The following SLC5A7 variants were observed in gnomAD, a reference collection of about 807,000 sequenced individuals.
SLC5A7 encodes solute carrier family 5 member 7, also known as high affinity choline transporter 1.
Under a neutral mutation model 55.4 loss-of-function variants are expected in SLC5A7, and 19 were observed. That is an observed-to-expected ratio of 0.34 (90% CI 0.24 to 0.50). The LOEUF (loss-of-function observed/expected upper bound fraction) is 0.50. Ranked by LOEUF, SLC5A7 falls within the 20% of genes least tolerant of loss-of-function variation. SLC5A7 has a pLI of 0.98. For missense variants in SLC5A7, 506 were observed against 705.3 expected (o/e 0.72, Z 3.20); for synonymous variants, 265 against 263.7 (o/e 1.00, Z -0.05).
chr2:107,989,621 TAACTTAGTTCCAA>T (rs1292366611), intron 2 of SLC5A7, among the ~76,000 whole-genome samples: 1 of 152,218 alleles, frequency 6.6e-6, no homozygotes, highest in Non-Finnish European at 1.5e-5. Context: ...AGGTCTCCGG[TAACTTAGTTCCAA>T]AATGCAAGTA....
At chr2:107,996,360 TTACTC>T (rs1677671167) in intron 4 of SLC5A7, among the ~76,000 whole-genome samples, 1 of 152,204 alleles carries the variant, frequency 6.6e-6, no homozygotes, top group Non-Finnish European at 1.5e-5. Flanking sequence ...CAAGGGATCT[TTACTC>T]TGGAAAATAA....
rs1678409382 is a variant in SLC5A7, at chr2:108,013,268, T to C, written c.*2407T>C. ...AACTTAAATAATTTAAGCCAATAAA[T>C]AATATTATATTGTATTTAACCCATT... is the stretch of plus-strand genomic sequence containing the variant. On this transcript the variant is annotated 3_prime_UTR_variant, in exon 9 of 9. Transcript: ENST00000264047. The C allele has an allele frequency of 6.6e-6, 1 of 152,118 alleles. No individual in the cohort carries two copies. Among genetic ancestry groups the C allele is most frequent in the Non-Finnish European group, 1.5e-5 (1 of 68,008 alleles). 9.4% of individuals were successfully genotyped at this position (152,118 alleles called of 1,614,324 possible).
intron 4 of SLC5A7, among the ~76,000 whole-genome samples, chr2:107,995,456 AGAGAGAGAGAGAGAGTGT>A (rs1677631122): frequency 8.1e-6 from 1 of 124,124 alleles, no homozygotes; most frequent in South Asian, 2.7e-4. Context: ...AGAGAGAGAG[AGAGAGAGAGAGAGAGTGT>A]GTGTGTGTGT....
intron 7 of SLC5A7, among the ~76,000 whole-genome samples, chr2:108,007,687 A>G (rs1678176181): frequency 6.6e-6 from 1 of 152,214 alleles, no homozygotes; most frequent in Non-Finnish European, 1.5e-5. Context: ...TGAGGGAAGA[A>G]AAAATGGTAG....
Position 108,011,347 on chromosome 2 carries a change from T to C in SLC5A7, c.*486T>C, listed in dbSNP as rs1678320405. On this transcript the variant is annotated 3_prime_UTR_variant, in exon 9 of 9. Coordinates refer to ENST00000264047, the MANE Select transcript of SLC5A7 (RefSeq NM_021815.5). ...AACCAGCTGATTTTTCTTAGTGTGA[T>C]GATTAACCCCTTCTTTCATGTTCTG... 1 of 152,506 alleles carries C rather than the reference T, an allele frequency of 6.6e-6. No individual in the cohort carries two copies. Among genetic ancestry groups the C allele is most frequent in the South Asian group, 2.1e-4 (1 of 4,836 alleles). 9.4% of individuals were successfully genotyped at this position (152,506 alleles called of 1,614,324 possible).
intron 5 of SLC5A7, among the ~76,000 whole-genome samples, chr2:107,998,295 C>T (rs1188272587): frequency 6.6e-6 from 1 of 152,120 alleles, no homozygotes; most frequent in Non-Finnish European, 1.5e-5. Flanking sequence ...AATCCATTTC[C>T]CTCGGCAGAG....
At chr2:108,002,062 A>G in intron 6 of SLC5A7, 22 bp downstream of exon 6, 1 of 1,591,700 alleles carries the variant, frequency 6.3e-7, no homozygotes, top group Non-Finnish European at 8.6e-7. Context: ...TCTTACCTGA[A>G]GAATGTGATT....
chr2:108,010,674 C>G lies in SLC5A7; in HGVS notation c.1556C>G (p.Ala519Gly), dbSNP rs776499560. 1 of 1,613,850 alleles carries G rather than the reference C, an allele frequency of 6.2e-7. No homozygotes were observed. The highest frequency in any genetic ancestry group is 1.7e-5 in the Admixed American group (1 of 59,928). The change falls in exon 9 of 9, where the codon GCA (alanine) becomes GGA (glycine). Residue 519 changes from alanine (A) to glycine (G), a missense_variant. Physicochemically the swap from Ala to Gly is moderately conservative, Grantham distance 60. Transcript: ENST00000264047. The stretch of plus-strand genomic sequence containing the variant: ...TTAGATGTATTTGATGCTGTTGTTG[C>G]AAGACACAGTGAAGAAAACATGGAT... Reference protein sequence around the residue: ...PKLDVFDAVVARHSEENMDKT... With the variant: ...PKLDVFDAVVGRHSEENMDKT...
At chr2:107,997,200 C>T (rs1181250972) in intron 4 of SLC5A7, among the ~76,000 whole-genome samples, 1 of 152,132 alleles carries the variant, frequency 6.6e-6, no homozygotes, top group East Asian at 1.9e-4. Flanking sequence ...ACAGTGGTCC[C>T]ATAAGATTAT....
chr2:107,996,219 A>G (rs1044864718), intron 4 of SLC5A7, among the ~76,000 whole-genome samples: 2 of 152,338 alleles, frequency 1.3e-5, no homozygotes, highest in African/African-American at 4.8e-5. Flanking sequence ...TTCGAAGTAA[A>G]TGATCTCAGG....
At chr2:107,995,708 C>G (rs1677646657) in intron 4 of SLC5A7, among the ~76,000 whole-genome samples, 1 of 152,016 alleles carries the variant, frequency 6.6e-6, no homozygotes, top group Admixed American at 6.6e-5. Context: ...AGATCTATTA[C>G]CACCTTTCTG....
In SLC5A7 at chr2:108,010,321, T is replaced by C. The variant is rs1331764781; in HGVS notation, c.1203T>C (p.Thr401=). ...SATAMALLTK[T]VYGLWYLSSD... Reference sequence around the variant, plus strand: ...CAGCCATGGCCTTGCTGACGAAAACTGTGTATGGGCTCTGGTACCTCAGTT... The same window carrying C: ...CAGCCATGGCCTTGCTGACGAAAACCGTGTATGGGCTCTGGTACCTCAGTT... Residue 401 remains threonine (T), a synonymous_variant, in exon 9 of 9, where the codon ACT becomes ACC. Coordinates refer to ENST00000264047, the MANE Select transcript of SLC5A7 (RefSeq NM_021815.5). The C allele has an allele frequency of 2.5e-6, 4 of 1,613,846 alleles. No individual in the cohort carries two copies. Among genetic ancestry groups the C allele is most frequent in the East Asian group, 2.2e-5 (1 of 44,870 alleles).
chr2:107,997,953 T>C lies in SLC5A7; in HGVS notation c.564T>C (p.Asp188=). 1 of 1,613,504 alleles carries C rather than the reference T, an allele frequency of 6.2e-7. No individual in the cohort carries two copies. The highest frequency in any genetic ancestry group is 8.5e-7 in the Non-Finnish European group (1 of 1,179,656). The change falls in exon 5 of 9, where the codon GAT becomes GAC. Residue 188 remains aspartate, a synonymous_variant. Coordinates refer to ENST00000264047, the MANE Select transcript of SLC5A7 (RefSeq NM_021815.5). Reference sequence around the variant, plus strand: ...GGCTCTATTCTGTGGCCTACACTGATGTCGTTCAGCTCTTTTGCATTTTTG... The same window carrying C: ...GGCTCTATTCTGTGGCCTACACTGACGTCGTTCAGCTCTTTTGCATTTTTG... The part of the protein sequence containing the change: ...VGGLYSVAYT[D]VVQLFCIFVG...
intron 6 of SLC5A7, among the ~76,000 whole-genome samples, chr2:108,005,002 A>G (rs1678049370): frequency 6.6e-6 from 1 of 152,242 alleles, no homozygotes; most frequent in Admixed American, 6.5e-5. Context: ...TATATGCTCA[A>G]TAAGAAATTT....
chr2:108,012,505 T>C lies in SLC5A7; in HGVS notation c.*1644T>C, dbSNP rs924898780. ...CTCAAAGCATCAAATAATACATCTT[T>C]ATCATTAAACATGAATTTAATGTCT... On this transcript the variant is annotated 3_prime_UTR_variant, in exon 9 of 9. Coordinates refer to ENST00000264047, the MANE Select transcript of SLC5A7 (RefSeq NM_021815.5). 6.6e-6 allele frequency: 1 copy of C among 152,188 alleles called. No individual in the cohort carries two copies. The highest frequency in any genetic ancestry group is 1.9e-4 in the East Asian group (1 of 5,192). 9.4% of individuals were successfully genotyped at this position (152,188 alleles called of 1,614,324 possible).
intron 6 of SLC5A7, among the ~76,000 whole-genome samples, chr2:108,004,804 G>A (rs1482922395): frequency 6.6e-6 from 1 of 152,026 alleles, no homozygotes; most frequent in Non-Finnish European, 1.5e-5. Flanking sequence ...CTGTGGAAAT[G>A]CTCTCAAAGC....
chr2:108,012,901 A>G lies in SLC5A7; in HGVS notation c.*2040A>G, dbSNP rs537374660. ...TTCCTGGCAAACACCATTATTCCAG[A>G]TGCACCATGCTACCCAGCATGCTAC... On this transcript the variant is annotated 3_prime_UTR_variant, in exon 9 of 9. Transcript: ENST00000264047. 6.6e-6 allele frequency: 1 copy of G among 152,274 alleles called. No individual in the cohort carries two copies. Among genetic ancestry groups the G allele is most frequent in the South Asian group, 2.1e-4 (1 of 4,824 alleles). The allele number at this position is 152,274 out of a possible 1,614,324, so 9.4% of individuals were successfully genotyped here. A position where few individuals can be genotyped will look rare whatever the true frequency, so the allele number is the denominator to read the frequency against.
chr2:107,988,283 T>C lies in SLC5A7; in HGVS notation c.128T>C (p.Ile43Thr). 1.2e-6 allele frequency: 2 copies of C among 1,614,112 alleles called. No homozygotes were observed. The highest frequency in any genetic ancestry group is 1.1e-5 in the South Asian group (1 of 91,076). The change falls in exon 2 of 9, where the codon ATA becomes ACA. Residue 43 changes from isoleucine to threonine, a missense_variant. Ile to Thr is a moderately conservative substitution (Grantham distance 89). This residue lies in a region of SLC5A7 where 56 missense variants were observed against 62.6 expected (regional missense o/e 0.89). Coordinates refer to ENST00000264047, the MANE Select transcript of SLC5A7 (RefSeq NM_021815.5). ...GCAGAAGAGCGCAGCGAAGCCATCA[T>C]AGTTGGTGGCCGAGATATTGGTTTA... ...GSAEERSEAI[I>T]VGGRDIGLLV...
intron 4 of SLC5A7, among the ~76,000 whole-genome samples, chr2:107,997,612 A>G (rs1255592274): frequency 6.6e-6 from 1 of 152,236 alleles, no homozygotes; most frequent in Non-Finnish European, 1.5e-5. Context: ...CTCCAAATAA[A>G]TAAGTTAGCA....
Sources: allele counts gnomAD v4.1 joint callset (sites outside exome capture counted in the v4.1 genomes callset), GRCh38; gene constraint gnomAD v4.1.1; regional missense constraint gnomAD v4.1.1; transcripts MANE v1.5; gene names NCBI Gene and HGNC (gene_info 2026-07-23, HGNC 2026-07-21).